TFEB: variants seen among roughly 807,000 people sequenced by gnomAD.
TFEB encodes T-cell transcription factor EB.
A neutral mutation model predicts 48.0 loss-of-function variants in TFEB; 12 were observed. That is an observed-to-expected ratio of 0.25 (90% CI 0.16 to 0.40). The LOEUF (loss-of-function observed/expected upper bound fraction) is 0.40, where lower values mean the gene tolerates loss of function less well. Ranked by LOEUF, TFEB falls within the 10% of genes least tolerant of loss-of-function variation. The probability of loss-of-function intolerance (pLI) is 1.00; values close to 1 mark genes in which losing one functional copy is unlikely to be tolerated. For missense variants in TFEB, 509 were observed against 640.3 expected, an observed-to-expected ratio of 0.79 and a Z score of 2.21; for synonymous variants, 244 against 261.4, an observed-to-expected ratio of 0.93 and a Z score of 0.64.
At chr6:41,713,695 A>G (rs1332538539) in intron 1 of TFEB, among the ~76,000 whole-genome samples, 1 of 152,110 alleles carries the variant, frequency 6.6e-6, no homozygotes, top group Non-Finnish European at 1.5e-5. Flanking sequence ...CAAAACAGGG[A>G]GGGCCCCTTT....
intron 1 of TFEB, among the ~76,000 whole-genome samples, chr6:41,717,024 G>A (rs1770767910): frequency 6.6e-6 from 1 of 152,214 alleles, no homozygotes; most frequent in Non-Finnish European, 1.5e-5. Flanking sequence ...GCAGAAGCTG[G>A]TGGGAACTCC....
At chr6:41,727,065 C>T (rs1338732798) in intron 1 of TFEB, among the ~76,000 whole-genome samples, 2 of 152,142 alleles carry the variant, frequency 1.3e-5, no homozygotes, top group South Asian at 2.1e-4. Context: ...CCCGCCACCC[C>T]GCCCAGGATG....
chr6:41,728,877 T>C (rs1486469545), intron 1 of TFEB, among the ~76,000 whole-genome samples: 1 of 152,026 alleles, frequency 6.6e-6, no homozygotes, highest in Admixed American at 6.5e-5. Flanking sequence ...GTAGAGACGG[T>C]AGACAGAGCA....
chr6:41,708,117 C>T (rs1770321661), intron 1 of TFEB, among the ~76,000 whole-genome samples: 1 of 152,236 alleles, frequency 6.6e-6, no homozygotes, highest in African/African-American at 2.4e-5. Context: ...GCGCCTCAGC[C>T]GCACAGGTCA....
intron 1 of TFEB, among the ~76,000 whole-genome samples, chr6:41,728,569 G>A (rs1057062007): frequency 2.0e-5 from 3 of 152,174 alleles, no homozygotes; most frequent in Non-Finnish European, 2.9e-5. Context: ...CGCGGCAGGT[G>A]CTGTCCTCAA....
At chr6:41,701,563 G>A (rs981243395) in intron 1 of TFEB, among the ~76,000 whole-genome samples, 3 of 152,188 alleles carry the variant, frequency 2.0e-5, no homozygotes, top group Admixed American at 6.5e-5. Context: ...ATTGCACTGC[G>A]CAAGGGGCCT....
chr6:41,700,178 C>G (rs55815834), intron 1 of TFEB, among the ~76,000 whole-genome samples: 2 of 152,196 alleles, frequency 1.3e-5, no homozygotes, highest in South Asian at 2.1e-4. Context: ...GATCAAGAAA[C>G]AAAAGAGGCT....
chr6:41,707,196 A>G (rs1212333112), intron 1 of TFEB, among the ~76,000 whole-genome samples: 3 of 152,056 alleles, frequency 2.0e-5, no homozygotes, highest in African/African-American at 4.8e-5. Context: ...GCCTGAACCA[A>G]TCCTCTCTGT....
chr6:41,690,795 C>T lies in TFEB; in HGVS notation c.336G>A (p.Gln112=), dbSNP rs1046818526. Residue 112 remains glutamine (Q), a synonymous_variant, in exon 3 of 9, where the codon CAG becomes CAA. Coordinates refer to ENST00000373033, the MANE Select transcript of TFEB (RefSeq NM_001271944.2). ...NKFAAHISPA[Q]GSPKPPPAAS... is the part of the protein sequence containing the mutation. ...CGGCTGGTGGGGGTTTCGGAGAGCCCTGGGCTGGGCTGATGTGGGCAGCAA... is the reference window on the plus strand; with the variant it reads ...CGGCTGGTGGGGGTTTCGGAGAGCCTTGGGCTGGGCTGATGTGGGCAGCAA... The T allele has an allele frequency of 3.1e-6, 5 of 1,612,888 alleles. No homozygotes were observed. Among genetic ancestry groups the T allele is most frequent in the East Asian group, 2.2e-5 (1 of 44,856 alleles).
chr6:41,736,090 T>A, upstream of TFEB: 1 of 1,610,522 alleles, frequency 6.2e-7, no homozygotes, highest in Non-Finnish European at 8.5e-7. Flanking sequence ...GGGTAAAATA[T>A]GACAGTAGAA....
chr6:41,732,065 CAATT>C (rs1456572774), intron 1 of TFEB, among the ~76,000 whole-genome samples: 1 of 152,012 alleles, frequency 6.6e-6, no homozygotes, highest in Non-Finnish European at 1.5e-5. Context: ...ATTCTTTTTT[CAATT>C]GAGTCCAGGT....
intron 1 of TFEB, among the ~76,000 whole-genome samples, chr6:41,713,494 C>G (rs554341661): frequency 2.0e-5 from 3 of 152,292 alleles, no homozygotes; most frequent in South Asian, 4.1e-4. Flanking sequence ...CTGACTCACT[C>G]TTATAGCTGT....
At position 41,730,287 on chromosome 6, in the gene TFEB, A is replaced by G. The variant is rs906044901; in HGVS notation, c.-23+5063T>C. Among the ~76,000 whole-genome samples, 1 of 152,138 alleles carries G rather than the reference A, an allele frequency of 6.6e-6. No homozygotes were observed. The highest frequency in any genetic ancestry group is 1.5e-5 in the Non-Finnish European group (1 of 68,024). ...AATGTGTGCCCTGATGGAGGGAAAG[A>G]TTTGCTTATAGGGAAGGAGTGAGGA... On this transcript the variant is annotated intron_variant, in intron 1 of 8. Transcript: ENST00000373033. This position sits in a 1 kb window ranked among gnomAD's most constrained non-coding sequence, Gnocchi z 4.1.
chr6:41,686,965 T>G, intron 7 of TFEB, 129 bp downstream of exon 7: 1 of 788,600 alleles, frequency 1.3e-6, no homozygotes, highest in South Asian at 1.5e-5. Context: ...AGATCTTTTC[T>G]CAAATAGATG....
intron 1 of TFEB, among the ~76,000 whole-genome samples, chr6:41,716,005 C>CAA (rs1216274922): frequency 2.0e-5 from 3 of 152,184 alleles, no homozygotes; most frequent in Admixed American, 2.0e-4. Flanking sequence ...GTCTCCTACC[C>CAA]AACTCACCCC....
At chr6:41,687,669 G>T in intron 6 of TFEB, 84 bp downstream of exon 6, 1 of 1,567,048 alleles carries the variant, frequency 6.4e-7, no homozygotes, top group East Asian at 2.2e-5. Flanking sequence ...CCTTCCACCA[G>T]TGCAGGTCAG....
intron 1 of TFEB, among the ~76,000 whole-genome samples, chr6:41,694,134 C>T (rs1057093863): frequency 2.6e-5 from 4 of 152,190 alleles, no homozygotes; most frequent in Non-Finnish European, 5.9e-5. Flanking sequence ...AAGAGCTGAG[C>T]GTCTGGCCTG....
Position 41,721,930 on chromosome 6 carries a change from C to T in TFEB, c.-23+13420G>A, listed in dbSNP as rs552712375. On this transcript the variant is annotated intron_variant, in intron 1 of 8. Transcript: ENST00000373033. ...ACTACACCCTGGCAGGGAGCTCACTCTCCTAGGAAGTCTCTTCCAACTCCA... is the reference window on the plus strand; with the variant it reads ...ACTACACCCTGGCAGGGAGCTCACTTTCCTAGGAAGTCTCTTCCAACTCCA... Among the ~76,000 whole-genome samples the T allele has an allele frequency of 1.5e-3, 229 of 152,242 alleles. 1 individual carries two copies. Among genetic ancestry groups the T allele is most frequent in the African/African-American group, 5.3e-3 (220 of 41,528 alleles).
At chr6:41,721,605 C>G (rs1472645581) in intron 1 of TFEB, among the ~76,000 whole-genome samples, 2 of 152,224 alleles carry the variant, frequency 1.3e-5, no homozygotes, top group African/African-American at 4.8e-5. Flanking sequence ...AACTATCTGC[C>G]TGGCGCGTGG....
Sources: allele counts gnomAD v4.1 joint callset (sites outside exome capture counted in the v4.1 genomes callset), GRCh38; gene constraint gnomAD v4.1.1; non-coding constraint Gnocchi (gnomAD v3.1); transcripts MANE v1.5; gene names NCBI Gene and HGNC (gene_info 2026-07-23, HGNC 2026-07-21).